EYS: variants seen among roughly 807,000 people sequenced by gnomAD.
The protein encoded by EYS is protein eyes shut homolog.
Under a neutral mutation model 282.1 loss-of-function variants are expected in EYS, and 250 were observed. The observed-to-expected ratio is 0.89, with a 90% CI of 0.80 to 0.98. The LOEUF (loss-of-function observed/expected upper bound fraction) is 0.98. EYS is among the 50% of genes least tolerant of loss of function. EYS has a pLI of 0.00. For missense variants in EYS, 4,016 were observed against 3,709.0 expected (o/e 1.08, Z -2.15); for synonymous variants, 1,355 against 1,282.9 (o/e 1.06, Z -1.20).
intron 22 of EYS, among the ~76,000 whole-genome samples, chr6:64,674,958 T>G (rs1769600293): frequency 6.6e-6 from 1 of 152,146 alleles, no homozygotes; most frequent in South Asian, 2.1e-4. Context: ...GACTCAAAAG[T>G]TTATGACACT....
chr6:64,641,700 T>C (rs1279196928), intron 22 of EYS, among the ~76,000 whole-genome samples: 2 of 152,126 alleles, frequency 1.3e-5, no homozygotes, highest in African/African-American at 2.4e-5. Flanking sequence ...TACAGGTCCA[T>C]GGCCTGTTAG....
chr6:65,285,089 C>A (rs527704984), intron 12 of EYS, among the ~76,000 whole-genome samples: 1 of 151,822 alleles, frequency 6.6e-6, no homozygotes, highest in African/African-American at 2.4e-5. Flanking sequence ...GTAATGGAAG[C>A]TTTCAAAGTG....
At chr6:64,989,224 A>C (rs1305943713) in intron 14 of EYS, among the ~76,000 whole-genome samples, 1 of 150,468 alleles carries the variant, frequency 6.6e-6, no homozygotes, top group East Asian at 2.0e-4. Flanking sequence ...GGCCAAAGCT[A>C]TTTATCCCAA....
chr6:65,304,187 G>T, intron 11 of EYS: 1 of 637,384 alleles, frequency 1.6e-6, no homozygotes. Context: ...TAAAATTCAA[G>T]TCAAGAGATG....
intron 13 of EYS, among the ~76,000 whole-genome samples, chr6:65,005,573 G>A (rs796959821): frequency 3.4e-5 from 5 of 147,488 alleles, no homozygotes; most frequent in African/African-American, 9.7e-5. Context: ...TCCTTCCTTA[G>A]AACTGGAGGA....
intron 22 of EYS, among the ~76,000 whole-genome samples, chr6:64,775,177 T>C (rs1409657134): frequency 6.6e-6 from 1 of 152,002 alleles, no homozygotes; most frequent in Non-Finnish European, 1.5e-5. Flanking sequence ...CAGTAAAATA[T>C]GAGTCAACAA....
chr6:64,807,986 G>A (rs1008536150), intron 22 of EYS, among the ~76,000 whole-genome samples: 5 of 96,436 alleles, frequency 5.2e-5, no homozygotes, highest in South Asian at 6.2e-4. Flanking sequence ...TTCTCCCTCC[G>A]TCCTTCCCTT....
At position 65,489,419 on chromosome 6, in the gene EYS, C is replaced by A. The variant is rs534334684; in HGVS notation, c.862+1175G>T. The A allele has an allele frequency of 3.9e-5, 6 of 152,272 alleles. No homozygotes were observed. The South Asian group carries it at 1.2e-3, about 32-fold the overall frequency. The allele number at this position is 152,272 out of a possible 1,614,324, so 9.4% of individuals were successfully genotyped here. On this transcript the variant is annotated intron_variant, in intron 5 of 42. Transcript: ENST00000503581. ...ATTAGAGAAATGCAAATCAAAGCCACAATGAGATACCATCTTATGCCATTT... is the reference window on the plus strand; with the variant it reads ...ATTAGAGAAATGCAAATCAAAGCCAAAATGAGATACCATCTTATGCCATTT...
intron 26 of EYS, among the ~76,000 whole-genome samples, chr6:64,499,265 C>G (rs75797587): frequency 6.6e-6 from 1 of 152,196 alleles, no homozygotes; most frequent in Non-Finnish European, 1.5e-5. Context: ...CCCAAAACTC[C>G]TCCCACCAAA....
At chr6:64,815,214 A>G (rs770068489) in intron 21 of EYS, 1 of 456,868 alleles carries the variant, frequency 2.2e-6, no homozygotes, top group Non-Finnish European at 4.4e-6. Flanking sequence ...TATTTGTTCC[A>G]CTTTTGCTGA....
At chr6:65,410,824 A>G (rs1233605783) in intron 5 of EYS, among the ~76,000 whole-genome samples, 2 of 151,994 alleles carry the variant, frequency 1.3e-5, no homozygotes, top group Non-Finnish European at 2.9e-5. Flanking sequence ...GAATGGATAA[A>G]GAAAATGTTA....
intron 14 of EYS, among the ~76,000 whole-genome samples, chr6:64,988,129 G>C (rs925938753): frequency 6.7e-6 from 1 of 149,818 alleles, no homozygotes; most frequent in Non-Finnish European, 1.5e-5. Context: ...GCTCTGAGAG[G>C]GCAAAAAAAA....
At chr6:63,723,968 C>A (rs190025648) in intron 42 of EYS, among the ~76,000 whole-genome samples, 62 of 152,018 alleles carry the variant, frequency 4.1e-4, no homozygotes, top group Non-Finnish European at 1.2e-4. Context: ...CCATCACGGC[C>A]GGCTAATTTT....
chr6:65,457,662 C>T (rs1764675262), intron 5 of EYS, among the ~76,000 whole-genome samples: 1 of 152,196 alleles, frequency 6.6e-6, no homozygotes, highest in Middle Eastern at 3.4e-3. Flanking sequence ...ATCTAGCACA[C>T]TCTGACGAAT....
At chr6:64,005,856 G>A (rs1435754702) in intron 33 of EYS, among the ~76,000 whole-genome samples, 1 of 152,026 alleles carries the variant, frequency 6.6e-6, no homozygotes, top group East Asian at 1.9e-4. Context: ...GTACCATGCT[G>A]TTTTGGTTAC....
intron 12 of EYS, among the ~76,000 whole-genome samples, chr6:65,235,667 T>C (rs139382101): frequency 0.013 from 2,029 of 152,300 alleles, 34 homozygotes; most frequent in Non-Finnish European, 0.019. Context: ...TATTTTAAGA[T>C]GGCAAAATTA....
intron 12 of EYS, among the ~76,000 whole-genome samples, chr6:65,239,242 A>G (rs2150274456): frequency 6.6e-6 from 1 of 152,170 alleles, no homozygotes; most frequent in South Asian, 2.1e-4. Flanking sequence ...GAGCGTAAAA[A>G]TAACAATTAC....
chr6:64,053,859 T>G (rs1036655901), intron 33 of EYS, among the ~76,000 whole-genome samples: 4 of 152,174 alleles, frequency 2.6e-5, no homozygotes, highest in South Asian at 2.1e-4. Context: ...ATTTTCTAAT[T>G]TCTTGTATGA....
chr6:64,521,388 G>A (rs772160179), intron 26 of EYS, among the ~76,000 whole-genome samples: 4 of 151,662 alleles, frequency 2.6e-5, no homozygotes, highest in Non-Finnish European at 5.9e-5. Context: ...GAAGTCACTG[G>A]GAATTTTTTG....
Sources: allele counts gnomAD v4.1 joint callset (sites outside exome capture counted in the v4.1 genomes callset), GRCh38; gene constraint gnomAD v4.1.1; transcripts MANE v1.5; gene names NCBI Gene and HGNC (gene_info 2026-07-23, HGNC 2026-07-21).